Variants in TRMT44 observed in about 807,000 individuals in gnomAD.
The protein encoded by TRMT44 is probable tRNA (uracil-O(2)-)-methyltransferase.
Under a neutral mutation model 77.3 loss-of-function variants are expected in TRMT44, and 78 were observed. The observed-to-expected ratio is 1.01, with a 90% CI of 0.84 to 1.22. The LOEUF is 1.22. Ranked by LOEUF, TRMT44 falls within the 50% of genes most tolerant of loss-of-function variation. The probability of loss-of-function intolerance (pLI) is 0.00; values close to 1 mark genes in which losing one functional copy is unlikely to be tolerated. For synonymous variants in TRMT44, 391 were observed against 383.3 expected (o/e 1.02, Z -0.23); for missense variants, 1,090 against 964.4 (o/e 1.13, Z -1.73).
chr4:8,513,035 G>C, the TRMT44 span, among the ~76,000 whole-genome samples: 163 of 152,244 alleles, frequency 1.1e-3, 1 homozygote, highest in Non-Finnish European at 1.7e-3. Context: ...GTGTCAGACT[G>C]TAATCTCAGT....
intron 6 of TRMT44, among the ~76,000 whole-genome samples, chr4:8,460,636 C>T (rs1030321491): frequency 6.6e-6 from 1 of 151,428 alleles, no homozygotes; most frequent in Non-Finnish European, 1.5e-5. Flanking sequence ...TCACTGCAGC[C>T]TCCACCTCCC....
chr4:8,451,255 C>T lies in TRMT44; in HGVS notation c.955-705C>T, dbSNP rs761631593. Among the ~76,000 whole-genome samples, 1 of 152,068 alleles carries T rather than the reference C, an allele frequency of 6.6e-6. No individual in the cohort carries two copies. The highest frequency in any genetic ancestry group is 2.4e-5 in the African/African-American group (1 of 41,410). ...TGCCATCTTGTTAGCTATTTGGTAC[C>T]GTCCAGAAGGTACTTTTTATGTTTT... is the stretch of plus-strand genomic sequence containing the variant. On this transcript the variant is annotated intron_variant, in intron 3 of 10. Transcript: ENST00000389737. The surrounding 1 kb of genome is among the most constrained non-coding windows in gnomAD (Gnocchi z 4.1).
At chr4:8,491,364 C>G (rs1168207774) in intron 2 of TRMT44, among the ~76,000 whole-genome samples, 2 of 152,242 alleles carry the variant, frequency 1.3e-5, no homozygotes, top group Non-Finnish European at 2.9e-5. Context: ...GATCCCGCAC[C>G]AGGGCAGCAG....
In TRMT44 at chr4:8,466,190, C is replaced by T. The variant is rs142657876; in HGVS notation, c.1494+629C>T. Among the ~76,000 whole-genome samples the T allele has an allele frequency of 3.9e-3, 598 of 152,362 alleles. 4 individuals carry two copies. The highest frequency in any genetic ancestry group is 0.014 in the African/African-American group (578 of 41,590). ...GTAACTTTATTTGACAAGACTGTGG[C>T]TGGCAGACAGTGTGCTTTTAAAAAA... is the stretch of plus-strand genomic sequence containing the variant. On this transcript the variant is annotated intron_variant, in intron 8 of 10. Transcript: ENST00000389737.
intron 3 of TRMT44, among the ~76,000 whole-genome samples, chr4:8,450,956 T>A (rs1257937224): frequency 1.3e-5 from 2 of 152,100 alleles, no homozygotes; most frequent in Non-Finnish European, 2.9e-5. Flanking sequence ...GGCTAATTTT[T>A]TGTATTTTTT....
At chr4:8,443,099 T>C (rs2109078725) in intron 1 of TRMT44, among the ~76,000 whole-genome samples, 1 of 152,358 alleles carries the variant, frequency 6.6e-6, no homozygotes, top group African/African-American at 2.4e-5. Context: ...TGGCTCCCAA[T>C]ACTGTCTGCC....
intron 1 of TRMT44, among the ~76,000 whole-genome samples, chr4:8,441,980 C>A (rs1560216200): frequency 6.6e-6 from 1 of 152,182 alleles, no homozygotes. Context: ...ATAGCAGTGG[C>A]GGTTTAAATG....
In TRMT44 at chr4:8,465,576, C is replaced by A; in HGVS notation, c.1494+15C>A. On this transcript the variant is annotated intron_variant, in intron 8 of 10. Coordinates refer to ENST00000389737, the MANE Select transcript of TRMT44 (RefSeq NM_152544.3). ...CAACCAAAAGAGTATGTCTGATTCTCATGTTGTTCTAGGCGGTGTGTCGGT... is the reference window on the plus strand; with the variant it reads ...CAACCAAAAGAGTATGTCTGATTCTAATGTTGTTCTAGGCGGTGTGTCGGT... 1 of 1,605,766 alleles carries A rather than the reference C, an allele frequency of 6.2e-7. No homozygotes were observed. The highest frequency in any genetic ancestry group is 8.5e-7 in the Non-Finnish European group (1 of 1,175,238).
chr4:8,514,251 CTTTTTTT>C, the TRMT44 span, among the ~76,000 whole-genome samples: 2 of 114,282 alleles, frequency 1.8e-5, no homozygotes, highest in African/African-American at 6.7e-5. Flanking sequence ...GGGCTCTGAT[CTTTTTTT>C]TTTTTTTTTT....
At chr4:8,480,028 G>T (rs981371103), downstream of TRMT44, among the ~76,000 whole-genome samples, 2 of 152,026 alleles carry the variant, frequency 1.3e-5, no homozygotes, top group African/African-American at 4.8e-5. Context: ...CCACAGGCAC[G>T]TGCCACCATG....
chr4:8,483,550 G>A (rs1409841856), intron 2 of TRMT44, among the ~76,000 whole-genome samples: 2 of 152,202 alleles, frequency 1.3e-5, no homozygotes, highest in Non-Finnish European at 2.9e-5. Flanking sequence ...TTCTGAGAAG[G>A]GAAAGTGGTA....
At chr4:8,508,972 G>A in the TRMT44 span, 6 of 152,324 alleles carry the variant, frequency 3.9e-5, no homozygotes, top group Non-Finnish European at 8.8e-5. Flanking sequence ...CTGGAGGGCT[G>A]GCAGCTGGCA....
chr4:8,473,268 G>C (rs1034446719), intron 10 of TRMT44: 2 of 152,506 alleles, frequency 1.3e-5, no homozygotes, highest in African/African-American at 4.8e-5. Context: ...GCCCCTTCCT[G>C]AGGCCGCCAA....
intron 6 of TRMT44, among the ~76,000 whole-genome samples, chr4:8,462,131 C>G (rs538115111): frequency 6.6e-6 from 1 of 152,338 alleles, no homozygotes; most frequent in South Asian, 2.1e-4. Flanking sequence ...TTCATAAAAG[C>G]CGGGTGTGGT....
At chr4:8,489,514 T>C (rs1173162496) in intron 2 of TRMT44, among the ~76,000 whole-genome samples, 3 of 152,174 alleles carry the variant, frequency 2.0e-5, no homozygotes, top group East Asian at 1.9e-4. Flanking sequence ...TTTCACTCTG[T>C]CACCCAGGCT....
intron 8 of TRMT44, 79 bp from the exon 9 acceptor site, chr4:8,467,835 C>T: frequency 2.1e-6 from 3 of 1,431,436 alleles, no homozygotes; most frequent in South Asian, 2.8e-5. Flanking sequence ...GATTTGTACT[C>T]CAGGATGAGA....
chr4:8,457,688 C>T (rs536677518), intron 6 of TRMT44, among the ~76,000 whole-genome samples: 41 of 152,290 alleles, frequency 2.7e-4, no homozygotes, highest in African/African-American at 9.4e-4. Context: ...TGAAAGCTAC[C>T]GAGCCTGAAA....
chr4:8,450,932 A>G (rs1442684639), intron 3 of TRMT44, among the ~76,000 whole-genome samples: 3 of 151,598 alleles, frequency 2.0e-5, no homozygotes, highest in East Asian at 1.9e-4. Context: ...CCACAGGCAG[A>G]TGCTACCATG....
At chr4:8,498,324 T>A (rs528590089), downstream of TRMT44, among the ~76,000 whole-genome samples, 335 of 152,326 alleles carry the variant, frequency 2.2e-3, 5 homozygotes, top group Middle Eastern at 3.4e-3. This position sits in a 1 kb window ranked among gnomAD's most constrained non-coding sequence, Gnocchi z 4.3. Flanking sequence ...AGGGGTGTTC[T>A]CCTGTATTCG....
Sources: allele counts gnomAD v4.1 joint callset (sites outside exome capture counted in the v4.1 genomes callset), GRCh38; gene constraint gnomAD v4.1.1; non-coding constraint Gnocchi (gnomAD v3.1); transcripts MANE v1.5; gene names NCBI Gene and HGNC (gene_info 2026-07-23, HGNC 2026-07-21).